The following CDH6 variants were observed in gnomAD, a reference collection of about 807,000 sequenced individuals.
CDH6 encodes the protein cadherin-6.
Under a neutral mutation model 78.0 loss-of-function variants are expected in CDH6, and 31 were observed. That is an observed-to-expected ratio of 0.40 (90% confidence interval 0.30 to 0.54). The LOEUF is 0.54. Among genes scored for constraint, CDH6 ranks in the 20% least tolerant of loss-of-function variants. CDH6 has a pLI of 0.56. For synonymous variants in CDH6, 376 were observed against 368.8 expected, an observed-to-expected ratio of 1.02 and a Z score of -0.23; for missense variants, 724 against 975.9, an observed-to-expected ratio of 0.74 and a Z score of 3.44.
intron 1 of CDH6, among the ~76,000 whole-genome samples, chr5:31,260,619 G>A (rs142690803): frequency 1.1e-4 from 17 of 152,176 alleles, no homozygotes; most frequent in African/African-American, 3.6e-4. Context: ...TGTTAAAATC[G>A]CTTCATCTGG....
rs953303366 is a variant in CDH6 at position 31,305,106 on chromosome 5, CGTGTCTTGGCTTTCT to C, written c.1000-56_1000-42del. On this transcript the variant is annotated intron_variant, in intron 6 of 11. Transcript: ENST00000265071. The stretch of plus-strand genomic sequence containing the variant: ...TCAGTGGTTTACACCAAAAATGTTT[CGTGTCTTGGCTTTCT>C]GTGTCTTGGCTGCTTTAAATATGTC... 4 of 1,495,872 alleles carry C rather than the reference CGTGTCTTGGCTTTCT, an allele frequency of 2.7e-6. No individual in the cohort carries two copies. The African/African-American group carries it at 4.2e-5, about 16-fold the overall frequency. The allele number at this position is 1,495,872 out of a possible 1,614,324, so 92.7% of individuals were successfully genotyped here. A position where few individuals can be genotyped will look rare whatever the true frequency, so the allele number is the denominator to read the frequency against.
chr5:31,276,086 T>C (rs1742684529), intron 2 of CDH6, among the ~76,000 whole-genome samples: 1 of 152,238 alleles, frequency 6.6e-6, no homozygotes, highest in Non-Finnish European at 1.5e-5. Flanking sequence ...CTACAAGCTT[T>C]TATTTTGCCA....
chr5:31,216,935 T>C (rs1204357595), intron 1 of CDH6, among the ~76,000 whole-genome samples: 1 of 152,148 alleles, frequency 6.6e-6, no homozygotes, highest in Non-Finnish European at 1.5e-5. Context: ...AAACTTTTTC[T>C]GGTTGAGAGA....
intron 2 of CDH6, among the ~76,000 whole-genome samples, chr5:31,276,247 A>G (rs1217397625): frequency 1.3e-5 from 2 of 152,324 alleles, no homozygotes; most frequent in East Asian, 1.9e-4. Flanking sequence ...CACAATTATC[A>G]ATACATAAGT....
intron 1 of CDH6, among the ~76,000 whole-genome samples, chr5:31,216,714 T>G (rs1462203977): frequency 1.4e-5 from 2 of 146,560 alleles, no homozygotes; most frequent in African/African-American, 2.5e-5. Flanking sequence ...ACAAGGAGTA[T>G]TCAACTTAGA....
rs767565661 is a variant in CDH6 at position 31,327,766 on chromosome 5, G to C, written c.*4458G>C. 5 of 208,710 alleles carry C rather than the reference G, an allele frequency of 2.4e-5. No homozygotes were observed. The highest frequency in any genetic ancestry group is 4.9e-5 in the Non-Finnish European group (5 of 102,794). The allele number at this position is 208,710 out of a possible 1,614,324, so 12.9% of individuals were successfully genotyped here. A position where few individuals can be genotyped will look rare whatever the true frequency, so the allele number is the denominator to read the frequency against. On this transcript the variant is annotated 3_prime_UTR_variant, in exon 12 of 12. Transcript: ENST00000265071. ...ATCTTTATGGAATAATTTTCTAAAG[G>C]GTAATTCTCTACTAAAAATATCAGA...
intron 5 of CDH6, among the ~76,000 whole-genome samples, chr5:31,299,909 A>C (rs1164653687): frequency 6.6e-6 from 1 of 152,222 alleles, no homozygotes; most frequent in Non-Finnish European, 1.5e-5. Context: ...ACAGACATAA[A>C]TCTGCTCATG....
chr5:31,228,224 A>C (rs987077673), intron 1 of CDH6, among the ~76,000 whole-genome samples: 3 of 152,156 alleles, frequency 2.0e-5, no homozygotes, highest in African/African-American at 7.2e-5. Context: ...TTGTGGTTAT[A>C]TTGGACCCAC....
At chr5:31,208,423 A>G (rs554364837) in intron 1 of CDH6, among the ~76,000 whole-genome samples, 2 of 152,322 alleles carry the variant, frequency 1.3e-5, no homozygotes, top group South Asian at 4.1e-4. Context: ...CAAACAAGCC[A>G]GTCCTGCCTC....
At chr5:31,272,365 T>A (rs181671872) in intron 2 of CDH6, among the ~76,000 whole-genome samples, 1 of 152,288 alleles carries the variant, frequency 6.6e-6, no homozygotes, top group Non-Finnish European at 1.5e-5. Context: ...TCCACTTGGG[T>A]TATCTTTGGC....
chr5:31,206,949 T>C (rs1740542713), intron 1 of CDH6, among the ~76,000 whole-genome samples: 1 of 152,190 alleles, frequency 6.6e-6, no homozygotes, highest in African/African-American at 2.4e-5. Context: ...GAATATTTTC[T>C]TGGTGGTCCC....
rs1738644675 is a variant in CDH6 at position 31,327,302 on chromosome 5, C to T, written c.*3994C>T. 5.3e-6 allele frequency: 1 copy of T among 190,434 alleles called. No individual in the cohort carries two copies. 11.8% of individuals were successfully genotyped at this position (190,434 alleles called of 1,614,324 possible). A position where few individuals can be genotyped will look rare whatever the true frequency, so the allele number is the denominator to read the frequency against. On this transcript the variant is annotated 3_prime_UTR_variant, in exon 12 of 12. Transcript: ENST00000265071. The stretch of plus-strand genomic sequence containing the variant: ...GGTACTCATCCTTATCAGCTAAATT[C>T]ATTTTCACCAGGAACAGACCACCAA...
chr5:31,235,236 C>CT (rs543675071), intron 1 of CDH6, among the ~76,000 whole-genome samples: 59,157 of 110,658 alleles, frequency 0.53, 16,530 homozygotes, highest in Non-Finnish European at 0.6. Context: ...ATTCCTTTTT[C>CT]TTTTTTTTTT....
intron 1 of CDH6, among the ~76,000 whole-genome samples, chr5:31,199,499 T>C (rs1026894954): frequency 1.6e-4 from 16 of 100,120 alleles, no homozygotes; most frequent in South Asian, 3.9e-4. Flanking sequence ...TACACACACA[T>C]ATGTGTATAT....
intron 6 of CDH6, 144 bp from the exon 7 acceptor site, chr5:31,305,030 C>A: frequency 1.2e-6 from 1 of 809,466 alleles, no homozygotes; most frequent in Non-Finnish European, 2.0e-6. Flanking sequence ...TCTCCCTTTG[C>A]CCAATATCAC....
intron 1 of CDH6, among the ~76,000 whole-genome samples, chr5:31,239,956 T>G (rs2149918541): frequency 6.6e-6 from 1 of 152,304 alleles, no homozygotes; most frequent in South Asian, 2.1e-4. Context: ...ATGAATAGGA[T>G]TTTACTTTCT....
At chr5:31,238,848 A>G (rs761776630) in intron 1 of CDH6, among the ~76,000 whole-genome samples, 20 of 152,156 alleles carry the variant, frequency 1.3e-4, no homozygotes, top group Non-Finnish European at 2.5e-4. Flanking sequence ...GCTTTTTCCT[A>G]ACTTTGTTCT....
At chr5:31,223,445 C>A (rs1273357664) in intron 1 of CDH6, among the ~76,000 whole-genome samples, 2 of 152,166 alleles carry the variant, frequency 1.3e-5, no homozygotes, top group East Asian at 1.9e-4. Flanking sequence ...TTCTGGGAAA[C>A]ATACTTGTGC....
rs770187747 is a variant in CDH6, at chr5:31,323,430, AG to A, written c.*123del. Reference sequence around the variant, plus strand: ...ACCCGTTCCAAAAGCCAATGGCTGCAGTCCGTGTGGATCCAATGTTAGAGAC... The same window carrying A: ...ACCCGTTCCAAAAGCCAATGGCTGCATCCGTGTGGATCCAATGTTAGAGAC... On this transcript the variant is annotated 3_prime_UTR_variant, in exon 12 of 12. Transcript: ENST00000265071. The A allele has an allele frequency of 2.3e-4, 262 of 1,126,952 alleles. No homozygotes were observed. The highest frequency in any genetic ancestry group is 3.2e-4 in the Non-Finnish European group (250 of 792,676). The allele number at this position is 1,126,952 out of a possible 1,614,324, so 69.8% of individuals were successfully genotyped here.
Sources: allele counts gnomAD v4.1 joint callset (sites outside exome capture counted in the v4.1 genomes callset), GRCh38; gene constraint gnomAD v4.1.1; transcripts MANE v1.5; gene names NCBI Gene and HGNC (gene_info 2026-07-23, HGNC 2026-07-21).